Variants in TBC1D19 observed in about 807,000 individuals in gnomAD.
TBC1D19 encodes TBC1 domain family, member 19.
Under a neutral mutation model 89.0 loss-of-function variants are expected in TBC1D19, and 60 were observed. The observed-to-expected ratio is 0.67, with a 90% CI of 0.55 to 0.84. TBC1D19 has a LOEUF of 0.84. TBC1D19 is among the 40% of genes least tolerant of loss of function. The pLI is 0.00. For synonymous variants in TBC1D19, 189 were observed against 199.7 expected (o/e 0.95, Z 0.45); for missense variants, 500 against 610.8 (o/e 0.82, Z 1.91).
chr4:26,792,427 A>G, the TBC1D19 span, among the ~76,000 whole-genome samples: 1 of 152,194 alleles, frequency 6.6e-6, no homozygotes, highest in Admixed American at 6.5e-5. Context: ...GAATAGGATG[A>G]GAAGAAATGG....
At chr4:26,760,743 T>C (rs1050854214), downstream of TBC1D19, among the ~76,000 whole-genome samples, 4 of 152,376 alleles carry the variant, frequency 2.6e-5, no homozygotes, top group African/African-American at 9.6e-5. Context: ...CCAATTTATC[T>C]ATTTTTTCTT....
chr4:26,828,500 C>T, the TBC1D19 span, among the ~76,000 whole-genome samples: 2 of 152,204 alleles, frequency 1.3e-5, no homozygotes, highest in Admixed American at 1.3e-4. Flanking sequence ...CTAGCCTGTG[C>T]TTGAATGGTA....
chr4:26,858,404 GAAGGA>G, the TBC1D19 span: 37,923 of 152,026 alleles, frequency 0.25, 4,720 homozygotes, highest in East Asian at 0.3. Flanking sequence ...TGGCGACAGG[GAAGGA>G]GAGAAAGCTT....
the TBC1D19 span, among the ~76,000 whole-genome samples, chr4:26,777,944 A>C: frequency 3.6e-3 from 547 of 152,190 alleles, 4 homozygotes; most frequent in African/African-American, 0.013. Flanking sequence ...GTGGCGGTAC[A>C]TGCCAGTGGT....
intron 13 of TBC1D19, among the ~76,000 whole-genome samples, chr4:26,710,717 T>G (rs1403493713): frequency 6.6e-6 from 1 of 152,106 alleles, no homozygotes; most frequent in Non-Finnish European, 1.5e-5. Flanking sequence ...TTAATGATCC[T>G]CATTCTAACT....
At chr4:26,599,282 A>G (rs1740441130) in intron 1 of TBC1D19, among the ~76,000 whole-genome samples, 1 of 152,204 alleles carries the variant, frequency 6.6e-6, no homozygotes, top group Admixed American at 6.5e-5. Context: ...TTAATAATAT[A>G]CTTTTAAACA....
intron 7 of TBC1D19, among the ~76,000 whole-genome samples, chr4:26,656,882 A>G (rs868030826): frequency 6.6e-6 from 1 of 151,870 alleles, no homozygotes; most frequent in Non-Finnish European, 1.5e-5. Flanking sequence ...AATTATATAA[A>G]TGACCTTTTT....
In TBC1D19 at chr4:26,736,005, A is replaced by G. The variant is rs552833794; in HGVS notation, c.1117+518A>G. Reference sequence around the variant, plus strand: ...CAGTGTGGCGATTCCTCAGGGATCTAGAACTAGAAATACCATTTGACCCAG... The same window carrying G: ...CAGTGTGGCGATTCCTCAGGGATCTGGAACTAGAAATACCATTTGACCCAG... On this transcript the variant is annotated intron_variant, in intron 16 of 20. Transcript: ENST00000264866. 7.3e-3 allele frequency among the ~76,000 whole-genome samples: 1,066 copies of G among 146,070 alleles called. 7 individuals are homozygous for G. Among genetic ancestry groups the G allele is most frequent in the African/African-American group, 0.025 (1,006 of 39,810 alleles).
At chr4:26,589,645 A>ACCTGC (rs759449247) in intron 1 of TBC1D19, among the ~76,000 whole-genome samples, 17 of 152,064 alleles carry the variant, frequency 1.1e-4, no homozygotes, top group Non-Finnish European at 2.1e-4. Context: ...AAAGACCCAT[A>ACCTGC]CCTGCCCTGC....
intron 1 of TBC1D19, among the ~76,000 whole-genome samples, chr4:26,591,412 G>T (rs1349309750): frequency 6.6e-6 from 1 of 152,076 alleles, no homozygotes; most frequent in Non-Finnish European, 1.5e-5. Context: ...GAATGTGTAA[G>T]CAGAAACTCA....
rs577438740 is a variant in TBC1D19, at chr4:26,671,559, C to CT, written c.665-585dup. Among the ~76,000 whole-genome samples, 555 of 151,684 alleles carry CT rather than the reference C, an allele frequency of 3.7e-3. 3 individuals are homozygous for CT. Among genetic ancestry groups the CT allele is most frequent in the Non-Finnish European group, 6.3e-3 (426 of 67,728 alleles). On this transcript the variant is annotated intron_variant, in intron 9 of 20. Coordinates refer to ENST00000264866, the MANE Select transcript of TBC1D19 (RefSeq NM_018317.4). ...ATGTAATATAGTCTAGTTCATGAAT[C>CT]TTTTTCCATTATGATTTCTACTTAA...
chr4:26,659,582 G>A lies in TBC1D19; in HGVS notation c.481-15G>A. Reference sequence around the variant, plus strand: ...GGAAAGAAACTAACCAATTTTGTTGGATTTGTTTTTAAAGGTATTAATTAA... The same window carrying A: ...GGAAAGAAACTAACCAATTTTGTTGAATTTGTTTTTAAAGGTATTAATTAA... On this transcript the variant is annotated splice_polypyrimidine_tract_variant and intron_variant, in intron 7 of 20. Coordinates refer to ENST00000264866, the MANE Select transcript of TBC1D19 (RefSeq NM_018317.4). 2.0e-6 allele frequency: 3 copies of A among 1,534,524 alleles called. No individual in the cohort carries two copies. Among genetic ancestry groups the A allele is most frequent in the East Asian group, 4.6e-5 (2 of 43,868 alleles).
chr4:26,644,309 C>A (rs1007009569), intron 7 of TBC1D19, among the ~76,000 whole-genome samples: 5 of 152,026 alleles, frequency 3.3e-5, no homozygotes, highest in Non-Finnish European at 7.4e-5. Context: ...ATAAACAGAA[C>A]CAAAGACAAA....
the TBC1D19 span, among the ~76,000 whole-genome samples, chr4:26,782,424 G>A: frequency 6.6e-6 from 1 of 152,176 alleles, no homozygotes; most frequent in Admixed American, 6.5e-5. Flanking sequence ...TCTCACTGGT[G>A]CACTGGGGTT....
Position 26,673,859 on chromosome 4 carries a change from C to G in TBC1D19, c.787C>G (p.Leu263Val). 1 of 1,604,560 alleles carries G rather than the reference C, an allele frequency of 6.2e-7. No homozygotes were observed. Among genetic ancestry groups the G allele is most frequent in the Non-Finnish European group, 8.5e-7 (1 of 1,174,608 alleles). The change falls in exon 11 of 21, where the codon CTC (leucine) becomes GTC (valine). Residue 263 changes from leucine to valine, a missense_variant. Physicochemically the swap from Leu to Val is conservative, Grantham distance 32 (BLOSUM62 1). This residue lies in a region of TBC1D19 where 220 missense variants were observed against 319.1 expected (regional missense o/e 0.69). Coordinates refer to ENST00000264866, the MANE Select transcript of TBC1D19 (RefSeq NM_018317.4). ...GGCACTGAGAGCTGAATTGTGGGCT[C>G]TCATTTTGAATATTTCCAGCCAACC... ...PTALRAELWA[L>V]ILNISSQPED...
At chr4:26,635,242 C>G (rs1048362731) in intron 4 of TBC1D19, among the ~76,000 whole-genome samples, 7 of 152,008 alleles carry the variant, frequency 4.6e-5, no homozygotes, top group East Asian at 1.9e-4. Flanking sequence ...CAGCAGGTAA[C>G]AGAAGGCTTG....
the TBC1D19 span, among the ~76,000 whole-genome samples, chr4:26,845,656 G>A: frequency 6.6e-6 from 1 of 152,140 alleles, no homozygotes; most frequent in East Asian, 1.9e-4. Flanking sequence ...CCTGAGACTG[G>A]GTAATTTATA....
chr4:26,744,220 A>G (rs1353777320), intron 18 of TBC1D19, among the ~76,000 whole-genome samples: 1 of 151,862 alleles, frequency 6.6e-6, no homozygotes, highest in East Asian at 1.9e-4. Context: ...GTTAGTAGTG[A>G]CATCATCTTT....
At chr4:26,645,291 T>G in intron 7 of TBC1D19, among the ~76,000 whole-genome samples, 1 of 152,186 alleles carries the variant, frequency 6.6e-6, no homozygotes, top group Non-Finnish European at 1.5e-5. Context: ...AGCATGGTAC[T>G]GGTACCAAAA....
Sources: allele counts gnomAD v4.1 joint callset (sites outside exome capture counted in the v4.1 genomes callset), GRCh38; gene constraint gnomAD v4.1.1; regional missense constraint gnomAD v4.1.1; transcripts MANE v1.5; gene names NCBI Gene and HGNC (gene_info 2026-07-23, HGNC 2026-07-21).